IL1RAPL2: variants seen among roughly 807,000 people sequenced by gnomAD.
IL1RAPL2 encodes the protein X-linked interleukin-1 receptor accessory protein-like 2.
Under a neutral mutation model 44.1 loss-of-function variants are expected in IL1RAPL2, and 3 were observed. The ratio of observed to expected loss-of-function variants is 0.07; its 90% CI spans 0.03 to 0.18. The LOEUF is 0.18. Ranked by LOEUF, IL1RAPL2 falls within the 10% of genes least tolerant of loss-of-function variation. The pLI, the probability that IL1RAPL2 is intolerant of heterozygous loss-of-function variation, is 1.00. For missense variants in IL1RAPL2, 391 were observed against 496.4 expected (o/e 0.79, Z 2.02); for synonymous variants, 181 against 178.8 (o/e 1.01, Z -0.10).
At chrX:105,426,153 G>A (rs1359521475) in intron 5 of IL1RAPL2, among the ~76,000 whole-genome samples, 1 of 109,684 alleles carries the variant, frequency 9.1e-6, no homozygotes, top group African/African-American at 3.3e-5. Context: ...GACATAGCAG[G>A]CACTCAATAA....
At chrX:104,924,798 C>T (rs951353316) in intron 2 of IL1RAPL2, among the ~76,000 whole-genome samples, 2 of 111,012 alleles carry the variant, frequency 1.8e-5, no homozygotes, top group Non-Finnish European at 3.8e-5. Flanking sequence ...ACTAGAAAAG[C>T]AGGAACAAAC....
At chrX:105,461,995 A>T (rs1162406877) in intron 5 of IL1RAPL2, among the ~76,000 whole-genome samples, 1 of 111,066 alleles carries the variant, frequency 9.0e-6, no homozygotes, top group Admixed American at 9.6e-5. Context: ...TTCTTGAATA[A>T]GGAGGATGCT....
chrX:105,437,614 G>T (rs1235325389), intron 5 of IL1RAPL2, among the ~76,000 whole-genome samples: 1 of 111,099 alleles, frequency 9.0e-6, no homozygotes, highest in Non-Finnish European at 1.9e-5. Flanking sequence ...GAAACATAGG[G>T]ATTATTAAAA....
At position 104,916,671 on chromosome X, in the gene IL1RAPL2, T is replaced by G. The variant is rs1461867642; in HGVS notation, c.82+257676T>G. Among the ~76,000 whole-genome samples the G allele has an allele frequency of 2.7e-5, 3 of 111,388 alleles. No homozygotes were observed. The Admixed American group carries it at 2.9e-4, about 11-fold the overall frequency. On this transcript the variant is annotated intron_variant, in intron 2 of 10. Transcript: ENST00000372582. ...CTGTTTTCAAAGGGAATGCTTCCAG[T>G]TTTTGCCCATTCAGTATGATATTGG... is the stretch of plus-strand genomic sequence containing the variant.
At chrX:104,995,915 A>G (rs1178522268) in intron 2 of IL1RAPL2, among the ~76,000 whole-genome samples, 1 of 111,990 alleles carries the variant, frequency 8.9e-6, no homozygotes, top group Non-Finnish European at 1.9e-5. Flanking sequence ...AAATAGAGTC[A>G]TACCTACTCA....
At chrX:105,747,912 C>T (rs566810658) in intron 8 of IL1RAPL2, among the ~76,000 whole-genome samples, 2 of 110,786 alleles carry the variant, frequency 1.8e-5, no homozygotes, top group African/African-American at 3.3e-5. Flanking sequence ...TATGTAATTA[C>T]GTTAAAGGGA....
Position 105,541,932 on chromosome X carries a change from C to T in IL1RAPL2, c.772+57545C>T, listed in dbSNP as rs991644146. ...CCCCCACACCAGGAAATTTAACCTGCGTTTGCTGTCTTTGTATCCTTTAGC... is the reference window on the plus strand; with the variant it reads ...CCCCCACACCAGGAAATTTAACCTGTGTTTGCTGTCTTTGTATCCTTTAGC... On this transcript the variant is annotated intron_variant, in intron 6 of 10. Coordinates refer to ENST00000372582, the MANE Select transcript of IL1RAPL2 (RefSeq NM_017416.2). Among the ~76,000 whole-genome samples, 7 of 111,348 alleles carry T rather than the reference C, an allele frequency of 6.3e-5. No homozygotes were observed. The Admixed American group carries it at 6.7e-4, about 11-fold the overall frequency.
At chrX:105,457,339 T>C (rs993531720) in intron 5 of IL1RAPL2, among the ~76,000 whole-genome samples, 6 of 111,330 alleles carry the variant, frequency 5.4e-5, no homozygotes, top group African/African-American at 1.6e-4. Context: ...CCATCACTGC[T>C]ATCTATACCA....
chrX:105,537,143 T>C (rs1210576389), intron 6 of IL1RAPL2, among the ~76,000 whole-genome samples: 2 of 112,097 alleles, frequency 1.8e-5, no homozygotes, highest in East Asian at 5.6e-4. Context: ...AGAAGGTCTT[T>C]TCCTTTAGAG....
chrX:104,582,656 CTTT>C (rs1166851253), intron 1 of IL1RAPL2, among the ~76,000 whole-genome samples: 7 of 56,781 alleles, frequency 1.2e-4, no homozygotes, highest in African/African-American at 3.5e-4. Flanking sequence ...TTCTTTCTTT[CTTT>C]TTTTTCTTTT....
chrX:105,294,583 C>T (rs1276059748), intron 5 of IL1RAPL2, among the ~76,000 whole-genome samples: 3 of 111,971 alleles, frequency 2.7e-5, no homozygotes, highest in Admixed American at 9.5e-5. Flanking sequence ...GTTTAGCTGA[C>T]TGTGTTTGAT....
At chrX:105,001,114 C>T (rs987689229) in intron 2 of IL1RAPL2, among the ~76,000 whole-genome samples, 4 of 111,361 alleles carry the variant, frequency 3.6e-5, no homozygotes, top group African/African-American at 6.5e-5. Context: ...TCCTATTTTT[C>T]GTTTACCACC....
intron 2 of IL1RAPL2, among the ~76,000 whole-genome samples, chrX:104,980,272 G>C (rs752531523): frequency 3.6e-5 from 4 of 111,681 alleles, no homozygotes; most frequent in Non-Finnish European, 5.7e-5. Context: ...ATGAATATAT[G>C]CATGTATGCA....
At chrX:104,585,403 T>A (rs199575031) in intron 1 of IL1RAPL2, among the ~76,000 whole-genome samples, 3 of 15,419 alleles carry the variant, frequency 1.9e-4, no homozygotes, top group South Asian at 1.7e-3. Context: ...TAATATATAA[T>A]ATATATATAA....
chrX:104,949,186 A>T (rs1248495231), intron 2 of IL1RAPL2, among the ~76,000 whole-genome samples: 8 of 107,789 alleles, frequency 7.4e-5, no homozygotes, highest in Non-Finnish European at 1.5e-4. Flanking sequence ...TTTCTTCTAG[A>T]TTTTCTAGTT....
At chrX:105,138,005 C>G (rs999049287) in intron 2 of IL1RAPL2, among the ~76,000 whole-genome samples, 5 of 111,918 alleles carry the variant, frequency 4.5e-5, no homozygotes, top group African/African-American at 1.6e-4. Context: ...CCCAGGAGAT[C>G]AAGGCTGCAA....
chrX:104,662,607 A>C (rs1192078269), intron 2 of IL1RAPL2, among the ~76,000 whole-genome samples: 1 of 111,550 alleles, frequency 9.0e-6, no homozygotes, highest in Non-Finnish European at 1.9e-5. Flanking sequence ...CCTAAAACTA[A>C]TTTTTAATAG....
intron 5 of IL1RAPL2, among the ~76,000 whole-genome samples, chrX:105,356,422 A>T (rs2035203696): frequency 8.9e-6 from 1 of 111,808 alleles, no homozygotes; most frequent in Admixed American, 9.6e-5. Context: ...AATGGGCTCT[A>T]ATATCAGTCT....
chrX:105,656,819 T>TAA (rs1352082559), intron 6 of IL1RAPL2, among the ~76,000 whole-genome samples: 2 of 112,073 alleles, frequency 1.8e-5, no homozygotes, highest in African/African-American at 6.5e-5. Flanking sequence ...GTCTTGGTTT[T>TAA]AGCTGCACAA....
Sources: allele counts gnomAD v4.1 joint callset (sites outside exome capture counted in the v4.1 genomes callset), GRCh38; gene constraint gnomAD v4.1.1; transcripts MANE v1.5; gene names NCBI Gene and HGNC (gene_info 2026-07-23, HGNC 2026-07-21).